The following HECTD4 variants were observed in gnomAD, a reference collection of about 807,000 sequenced individuals.
The protein encoded by HECTD4 is probable E3 ubiquitin-protein ligase HECTD4.
A neutral mutation model predicts 471.5 loss-of-function variants in HECTD4; 114 were observed. That is an observed-to-expected ratio of 0.24 (90% CI 0.21 to 0.28). The LOEUF is 0.28. Ranked by LOEUF, HECTD4 falls within the 10% of genes least tolerant of loss-of-function variation. The pLI, the probability that HECTD4 is intolerant of heterozygous loss-of-function variation, is 1.00. For missense variants in HECTD4, 3,866 were observed against 5,651.5 expected (o/e 0.68, Z 10.13); for synonymous variants, 2,012 against 2,256.0 (o/e 0.89, Z 3.07).
chr12:112,307,155 A>G (rs2035285275), intron 6 of HECTD4, among the ~76,000 whole-genome samples: 1 of 152,204 alleles, frequency 6.6e-6, no homozygotes, highest in Non-Finnish European at 1.5e-5. Context: ...AGTGAGAACA[A>G]TGTTCAATTT....
In HECTD4 at chr12:112,210,139, G is replaced by A; in HGVS notation, c.7743C>T (p.Asn2581=). The A allele has an allele frequency of 6.2e-7, 1 of 1,614,020 alleles. No individual in the cohort carries two copies. ...CTDLAEEISA[N]FEALPFAMAS... ...CCATGGCGAAAGGCAGGGCCTCAAA[G>A]TTAGCGCTGATCTCTTCTGCTAGGT... Residue 2581 remains asparagine (N), a synonymous_variant, in exon 50 of 76, where the codon AAC becomes AAT. Coordinates refer to ENST00000682272, the MANE Select transcript of HECTD4 (RefSeq NM_001388303.1).
chr12:112,297,711 A>G (rs1215701346), intron 7 of HECTD4, among the ~76,000 whole-genome samples: 2 of 152,130 alleles, frequency 1.3e-5, no homozygotes, highest in Admixed American at 1.3e-4. Context: ...GGTGACCATC[A>G]GATTTCCAAC....
At chr12:112,282,499 C>A (rs893546422) in intron 8 of HECTD4, among the ~76,000 whole-genome samples, 1 of 152,062 alleles carries the variant, frequency 6.6e-6, no homozygotes, top group Non-Finnish European at 1.5e-5. Flanking sequence ...ATAAATTTAT[C>A]TTTAATTATA....
At chr12:112,260,505 G>C (rs2034119609) in intron 18 of HECTD4, among the ~76,000 whole-genome samples, 1 of 151,984 alleles carries the variant, frequency 6.6e-6, no homozygotes, top group Non-Finnish European at 1.5e-5. Context: ...GATTCTTTTA[G>C]ATCTACAGCT....
At chr12:112,286,691 C>T (rs2034761653) in intron 7 of HECTD4, among the ~76,000 whole-genome samples, 1 of 152,076 alleles carries the variant, frequency 6.6e-6, no homozygotes, top group Non-Finnish European at 1.5e-5. Context: ...GATCCTGTCC[C>T]ACCCCGCCCC....
intron 9 of HECTD4, among the ~76,000 whole-genome samples, chr12:112,277,540 G>A (rs1429915336): frequency 6.6e-6 from 1 of 152,168 alleles, no homozygotes; most frequent in Non-Finnish European, 1.5e-5. Flanking sequence ...TGATCCCATG[G>A]CTAAAGACTG....
intron 1 of HECTD4, among the ~76,000 whole-genome samples, chr12:112,331,535 G>A (rs1246018167): frequency 1.3e-5 from 2 of 152,170 alleles, no homozygotes; most frequent in African/African-American, 2.4e-5. Context: ...TCTATAAAAC[G>A]AGGGTAGCAC....
chr12:112,323,986 C>T lies in HECTD4; in HGVS notation c.178-4244G>A, dbSNP rs1249119717. ...TCTTTCTTCCTTCCTTCCTTCCTTC[C>T]TTCCTTCCTTCCTTCCTTCCTTCCT... On this transcript the variant is annotated intron_variant, in intron 1 of 75. Coordinates refer to ENST00000682272, the MANE Select transcript of HECTD4 (RefSeq NM_001388303.1). Among the ~76,000 whole-genome samples the T allele has an allele frequency of 8.2e-3, 233 of 28,588 alleles. 20 individuals are homozygous for T. Among genetic ancestry groups the T allele is most frequent in the African/African-American group, 0.07 (220 of 3,124 alleles). The allele number at this position is 28,588 out of a possible 152,430, so 18.8% of individuals were successfully genotyped here.
In HECTD4 at chr12:112,194,780, C is replaced by T. The variant is rs542807014; in HGVS notation, c.8749+105G>A. 50 of 1,052,790 alleles carry T rather than the reference C, an allele frequency of 4.7e-5. No individual in the cohort carries two copies. The Middle Eastern group carries it at 1.1e-3, about 22-fold the overall frequency. The allele number at this position is 1,052,790 out of a possible 1,614,324, so 65.2% of individuals were successfully genotyped here. A position where few individuals can be genotyped will look rare whatever the true frequency, so the allele number is the denominator to read the frequency against. ...GTGCAATTTCTCACGTGAGCCTATG[C>T]GCACCATGAGGCATTTCTCGCCCTC... On this transcript the variant is annotated intron_variant, in intron 56 of 75. Transcript: ENST00000682272. The surrounding 1 kb of genome is among the most constrained non-coding windows in gnomAD (Gnocchi z 4.6).
chr12:112,361,008 T>C (rs1264016886), intron 1 of HECTD4, among the ~76,000 whole-genome samples: 2 of 146,972 alleles, frequency 1.4e-5, no homozygotes, highest in African/African-American at 5.0e-5. Flanking sequence ...AAAGGTAAGA[T>C]CAAAACAGTA....
chr12:112,170,428 A>T lies in HECTD4; in HGVS notation c.11957T>A (p.Val3986Glu). ...AKGLIFYDTKVTVMNRVLNAT... is the reference protein window; with the variant it reads ...AKGLIFYDTKETVMNRVLNAT... ...ATTCAGCACTCGATTCATCACGGTCACCTTCGTGTCATAGAAGATCAGCCC... is the reference window on the plus strand; with the variant it reads ...ATTCAGCACTCGATTCATCACGGTCTCCTTCGTGTCATAGAAGATCAGCCC... The change falls in exon 69 of 76, where the codon GTG becomes GAG. Residue 3986 changes from valine to glutamate, a missense_variant. By Grantham distance (121) the Val-to-Glu change is moderately radical. Coordinates refer to ENST00000682272, the MANE Select transcript of HECTD4 (RefSeq NM_001388303.1). The T allele has an allele frequency of 1.2e-6, 2 of 1,613,876 alleles. No homozygotes were observed. Among genetic ancestry groups the T allele is most frequent in the Non-Finnish European group, 1.7e-6 (2 of 1,179,878 alleles).
intron 44 of HECTD4, among the ~76,000 whole-genome samples, chr12:112,221,081 A>G (rs1279784487): frequency 6.6e-6 from 1 of 152,150 alleles, no homozygotes; most frequent in Non-Finnish European, 1.5e-5. Flanking sequence ...CCTCCCAAGC[A>G]GGTGGGACCA....
At chr12:112,177,660 G>A (rs566875353) in intron 64 of HECTD4, among the ~76,000 whole-genome samples, 31 of 152,282 alleles carry the variant, frequency 2.0e-4, no homozygotes, top group Admixed American at 7.8e-4. Flanking sequence ...GATTATAGGC[G>A]TGAGCCACCG....
chr12:112,167,351 A>G lies in HECTD4; in HGVS notation c.12500T>C (p.Ile4167Thr). 6.2e-7 allele frequency: 1 copy of G among 1,613,570 alleles called. No individual in the cohort carries two copies. The highest frequency in any genetic ancestry group is 8.5e-7 in the Non-Finnish European group (1 of 1,179,716). The part of the protein sequence containing the change: ...DPEQDLQEAD[I>T]LTYNYVKKFE... ...CTTCTTGACGTAATTGTAGGTGAGG[A>G]TATCCGCTTCCTGCAGGTCTTGCTC... Residue 4167 changes from isoleucine to threonine, a missense_variant, in exon 72 of 76, where the codon ATC (isoleucine) becomes ACC (threonine). Physicochemically the swap from Ile to Thr is moderately conservative, Grantham distance 89 (BLOSUM62 -1). Around this residue, in one of 16 missense-constraint regions of HECTD4, gnomAD observed 715 missense variants for 1,087.6 expected, o/e 0.66. Coordinates refer to ENST00000682272, the MANE Select transcript of HECTD4 (RefSeq NM_001388303.1).
intron 1 of HECTD4, among the ~76,000 whole-genome samples, chr12:112,363,992 CAAAAAAA>C (rs1175386198): frequency 5.7e-5 from 3 of 52,886 alleles, no homozygotes; most frequent in South Asian, 8.2e-4. Context: ...ACTCAATCTC[CAAAAAAA>C]AAAAAAAAAA....
chr12:112,356,166 CTG>C (rs1271165195), intron 1 of HECTD4, among the ~76,000 whole-genome samples: 1 of 152,004 alleles, frequency 6.6e-6, no homozygotes, highest in Non-Finnish European at 1.5e-5. Flanking sequence ...TCTATATTTA[CTG>C]TGTCATAGAT....
intron 51 of HECTD4, among the ~76,000 whole-genome samples, 159 bp downstream of exon 51, chr12:112,208,335 T>G (rs552868883): frequency 4.6e-5 from 7 of 152,284 alleles, no homozygotes; most frequent in African/African-American, 1.7e-4. Flanking sequence ...TTAGAAAAAT[T>G]AACACTCTAA....
rs761238695 is a variant in HECTD4, at chr12:112,170,430, C to T, written c.11955G>A (p.Lys3985=). The T allele has an allele frequency of 1.2e-6, 2 of 1,613,866 alleles. No individual in the cohort carries two copies. Among genetic ancestry groups the T allele is most frequent in the Non-Finnish European group, 1.7e-6 (2 of 1,179,910 alleles). Reference sequence around the variant, plus strand: ...TCAGCACTCGATTCATCACGGTCACCTTCGTGTCATAGAAGATCAGCCCTA... The same window carrying T: ...TCAGCACTCGATTCATCACGGTCACTTTCGTGTCATAGAAGATCAGCCCTA... The part of the protein sequence containing the change: ...EAKGLIFYDT[K]VTVMNRVLNA... The change falls in exon 69 of 76, where the codon AAG becomes AAA. Residue 3985 remains lysine (K), a synonymous_variant. Transcript: ENST00000682272.
intron 1 of HECTD4, among the ~76,000 whole-genome samples, chr12:112,377,237 C>T (rs1186816786): frequency 6.6e-6 from 1 of 151,792 alleles, no homozygotes; most frequent in Non-Finnish European, 1.5e-5. Context: ...GAATTCAAGA[C>T]CAGCCTGGAC....
Sources: allele counts gnomAD v4.1 joint callset (sites outside exome capture counted in the v4.1 genomes callset), GRCh38; gene constraint gnomAD v4.1.1; regional missense constraint gnomAD v4.1.1; non-coding constraint Gnocchi (gnomAD v3.1); transcripts MANE v1.5; gene names NCBI Gene and HGNC (gene_info 2026-07-23, HGNC 2026-07-21).